ABCA10: variants seen among roughly 807,000 people sequenced by gnomAD.
ABCA10 encodes ATP-binding cassette sub-family A member 10.
Under a neutral mutation model 187.5 loss-of-function variants are expected in ABCA10, and 169 were observed. The ratio of observed to expected loss-of-function variants is 0.90; its 90% confidence interval spans 0.80 to 1.02. The LOEUF (loss-of-function observed/expected upper bound fraction) is 1.02, where lower values mean the gene tolerates loss of function less well. Ranked by LOEUF, ABCA10 falls within the 50% of genes least tolerant of loss-of-function variation. The pLI is 0.00. For missense variants in ABCA10, 1,727 were observed against 1,812.4 expected, an observed-to-expected ratio of 0.95 and a Z score of 0.86; for synonymous variants, 574 against 601.8, an observed-to-expected ratio of 0.95 and a Z score of 0.68.
At chr17:69,175,581 G>A (rs1285430991) in intron 22 of ABCA10, 68 bp from the exon 23 acceptor site, 58 of 1,228,750 alleles carry the variant, frequency 4.7e-5, no homozygotes, top group Admixed American at 7.9e-5. Flanking sequence ...TATAAGATAC[G>A]TTTCCAGGAA....
chr17:69,222,622 C>G lies in ABCA10; in HGVS notation c.110G>C (p.Gly37Ala), dbSNP rs143204065. The G allele has an allele frequency of 6.2e-5, 99 of 1,602,020 alleles. No homozygotes were observed. The highest frequency in any genetic ancestry group is 8.2e-5 in the Non-Finnish European group (96 of 1,177,272). Residue 37 changes from glycine (G) to alanine (A), a missense_variant, in exon 4 of 39, where the codon GGA becomes GCA. Transcript: ENST00000690296. Reference sequence around the variant, plus strand: ...TGAGAAAGTATCACTAAATATAACTCCCACCATTTCATGGTATTTTTTTGG... The same window carrying G: ...TGAGAAAGTATCACTAAATATAACTGCCACCATTTCATGGTATTTTTTTGG... ...ELPKKYHEMV[G>A]VIFSDTFSYR... is the part of the protein sequence containing the mutation.
intron 25 of ABCA10, among the ~76,000 whole-genome samples, chr17:69,167,342 G>C (rs1014768334): frequency 6.6e-6 from 1 of 152,142 alleles, no homozygotes; most frequent in Non-Finnish European, 1.5e-5. Context: ...ACCCAATAGA[G>C]AGAACATCAT....
At chr17:69,188,663 C>T (rs1028489802) in intron 18 of ABCA10, among the ~76,000 whole-genome samples, 1 of 151,460 alleles carries the variant, frequency 6.6e-6, no homozygotes, top group African/African-American at 2.4e-5. Context: ...CAGCATAATA[C>T]CCACTAGGTC....
At chr17:69,217,444 C>T (rs898676997) in intron 6 of ABCA10, among the ~76,000 whole-genome samples, 1 of 152,174 alleles carries the variant, frequency 6.6e-6, no homozygotes, top group African/African-American at 2.4e-5. Flanking sequence ...TATGCTCACA[C>T]AAAAACCTGT....
intron 2 of ABCA10, among the ~76,000 whole-genome samples, chr17:69,226,888 T>G (rs1446362878): frequency 6.6e-6 from 1 of 151,810 alleles, no homozygotes; most frequent in Non-Finnish European, 1.5e-5. Flanking sequence ...AAATGGCTGG[T>G]TCTATTCTGC....
chr17:69,196,820 G>C (rs984328453), intron 11 of ABCA10, among the ~76,000 whole-genome samples: 16 of 152,160 alleles, frequency 1.1e-4, no homozygotes, highest in Non-Finnish European at 2.1e-4. Context: ...AGACCAGCCC[G>C]GCCAACACGG....
rs144815879 is a variant in ABCA10, at chr17:69,209,423, C to T, written c.1006+5281G>A. On this transcript the variant is annotated intron_variant, in intron 9 of 38. Transcript: ENST00000690296. ...TTACTCATATGAACATGTTACATCACGAAATTGGAAAACTGTATTATTTGC... is the reference window on the plus strand; with the variant it reads ...TTACTCATATGAACATGTTACATCATGAAATTGGAAAACTGTATTATTTGC... Among the ~76,000 whole-genome samples, 76 of 152,152 alleles carry T rather than the reference C, an allele frequency of 5.0e-4. 1 individual carries two copies. The highest frequency in any genetic ancestry group is 1.6e-3 in the African/African-American group (68 of 41,512).
intron 16 of ABCA10, 121 bp downstream of exon 16, chr17:69,192,442 T>C (rs1482821090): frequency 1.3e-6 from 1 of 798,092 alleles, no homozygotes; most frequent in Non-Finnish European, 1.9e-6. Flanking sequence ...TTGAGCTGTT[T>C]ATTGCAAAAC....
chr17:69,192,867 C>A (rs1405850232), intron 15 of ABCA10, among the ~76,000 whole-genome samples: 1 of 152,154 alleles, frequency 6.6e-6, no homozygotes, highest in Non-Finnish European at 1.5e-5. Flanking sequence ...TAATCCAGTG[C>A]CTCAAAACTT....
intron 9 of ABCA10, among the ~76,000 whole-genome samples, chr17:69,205,740 A>G (rs2074586801): frequency 6.6e-6 from 1 of 152,230 alleles, no homozygotes; most frequent in African/African-American, 2.4e-5. Context: ...GTCAAATTCA[A>G]TTTTCCCAGG....
chr17:69,191,464 CT>C lies in ABCA10; in HGVS notation c.1872-150del, dbSNP rs148724169. 409 of 816,868 alleles carry C rather than the reference CT, an allele frequency of 5.0e-4. 3 individuals are homozygous for C. In the African/African-American group the frequency reaches 6.8e-3, roughly 14 times the overall value. 50.6% of individuals were successfully genotyped at this position (816,868 alleles called of 1,614,324 possible). ...TGGTTCCTGCAAATCAGATACTCCA[CT>C]TCAAATTGCTAATTCAACTTCAAAG... On this transcript the variant is annotated intron_variant, in intron 16 of 38. Transcript: ENST00000690296.
At chr17:69,170,215 G>A (rs903414315) in intron 25 of ABCA10, among the ~76,000 whole-genome samples, 2 of 151,280 alleles carry the variant, frequency 1.3e-5, no homozygotes, top group African/African-American at 2.4e-5. Flanking sequence ...TTGAACCCGC[G>A]AGGTGAAGGT....
At chr17:69,187,148 G>A (rs2074427681) in intron 19 of ABCA10, among the ~76,000 whole-genome samples, 1 of 152,044 alleles carries the variant, frequency 6.6e-6, no homozygotes, top group Admixed American at 6.6e-5. Flanking sequence ...CCCTCAGCTT[G>A]TAAGATAATA....
chr17:69,212,099 T>G (rs2074665455), intron 9 of ABCA10, among the ~76,000 whole-genome samples: 2 of 152,220 alleles, frequency 1.3e-5, no homozygotes, highest in South Asian at 4.1e-4. Context: ...TCAGACTTTT[T>G]GATGTAGGTA....
intron 25 of ABCA10, among the ~76,000 whole-genome samples, chr17:69,172,606 C>A (rs2074306104): frequency 6.6e-6 from 1 of 151,482 alleles, no homozygotes; most frequent in South Asian, 2.1e-4. Flanking sequence ...TTATGGCAGC[C>A]CTAGCAAATT....
intron 9 of ABCA10, among the ~76,000 whole-genome samples, chr17:69,210,551 T>C (rs530092397): frequency 1.7e-4 from 26 of 151,912 alleles, no homozygotes; most frequent in Middle Eastern, 3.4e-3. Context: ...CTGCATCCAA[T>C]GTGTAGTCTT....
chr17:69,170,753 G>A (rs1011892933), intron 25 of ABCA10, among the ~76,000 whole-genome samples: 20 of 147,490 alleles, frequency 1.4e-4, no homozygotes, highest in Non-Finnish European at 2.1e-4. Context: ...AGTTTCAAGG[G>A]AAAAAAAAAA....
intron 5 of ABCA10, 87 bp downstream of exon 5, chr17:69,221,705 T>C (rs1454764974): frequency 3.4e-6 from 4 of 1,188,468 alleles, no homozygotes; most frequent in Non-Finnish European, 4.7e-6. Flanking sequence ...CTCCTAAGAG[T>C]GTAAGAGTAA....
chr17:69,153,194 C>T (rs1177266423), intron 34 of ABCA10, 111 bp downstream of exon 34: 4 of 1,278,568 alleles, frequency 3.1e-6, no homozygotes, highest in Admixed American at 5.1e-5. Context: ...AGAAGATGTG[C>T]ACATCAAAGG....
Sources: allele counts gnomAD v4.1 joint callset (sites outside exome capture counted in the v4.1 genomes callset), GRCh38; gene constraint gnomAD v4.1.1; transcripts MANE v1.5; gene names NCBI Gene and HGNC (gene_info 2026-07-23, HGNC 2026-07-21).